The following NOC3L variants were observed in gnomAD, a reference collection of about 807,000 sequenced individuals.
The protein encoded by NOC3L is NOC3 like DNA replication regulator.
Under a neutral mutation model 102.5 loss-of-function variants are expected in NOC3L, and 85 were observed. That is an observed-to-expected ratio of 0.83 (90% CI 0.70 to 0.99). The LOEUF (loss-of-function observed/expected upper bound fraction) is 0.99, where lower values mean the gene tolerates loss of function less well. Ranked by LOEUF, NOC3L falls within the 50% of genes least tolerant of loss-of-function variation. The pLI is 0.00. For synonymous variants in NOC3L, 303 were observed against 309.4 expected (o/e 0.98, Z 0.22); for missense variants, 878 against 914.9 (o/e 0.96, Z 0.52).
the NOC3L span, chr10:94,327,959 A>T: frequency 1.9e-6 from 1 of 532,580 alleles, no homozygotes; most frequent in Admixed American, 1.9e-5. Flanking sequence ...TCTGTATACA[A>T]CATTACAGGT....
chr10:94,359,252 C>T (rs1398411636), intron 2 of NOC3L, among the ~76,000 whole-genome samples: 2 of 152,112 alleles, frequency 1.3e-5, no homozygotes, highest in Non-Finnish European at 2.9e-5. Flanking sequence ...TGGTGAAACC[C>T]CATCTCTACG....
At chr10:94,328,527 AC>A (rs888453803), downstream of NOC3L, 3 of 152,282 alleles carry the variant, frequency 2.0e-5, no homozygotes, top group African/African-American at 7.2e-5. Context: ...TGGCCCAAGG[AC>A]CTTAATTTGC....
the NOC3L span, chr10:94,315,182 T>G: frequency 0.27 from 86,296 of 322,926 alleles, 11,819 homozygotes; most frequent in Middle Eastern, 0.4. Context: ...CATTTCATCA[T>G]TTATAGACCA....
chr10:94,339,072 T>C (rs1028875062), intron 17 of NOC3L, among the ~76,000 whole-genome samples: 1 of 152,102 alleles, frequency 6.6e-6, no homozygotes, highest in Non-Finnish European at 1.5e-5. Flanking sequence ...TCATTTGTAA[T>C]AGCAAAAAAA....
chr10:94,324,996 C>T, the NOC3L span: 2 of 1,614,220 alleles, frequency 1.2e-6, no homozygotes, highest in Non-Finnish European at 1.7e-6. Context: ...CTTCTCAGCT[C>T]TTGACCTCAG....
intron 13 of NOC3L, 24 bp from the exon 14 acceptor site, chr10:94,341,769 TC>T: frequency 7.3e-7 from 1 of 1,375,928 alleles, no homozygotes; most frequent in Non-Finnish European, 9.9e-7. Context: ...AAACAGTTAA[TC>T]AGTGAACTAA....
the NOC3L span, among the ~76,000 whole-genome samples, chr10:94,326,903 G>A: frequency 1.3e-5 from 2 of 152,164 alleles, no homozygotes; most frequent in Non-Finnish European, 2.9e-5. Flanking sequence ...GCTCACGCCT[G>A]TAATCCCAGC....
At position 94,340,271 on chromosome 10, in the gene NOC3L, C is replaced by T. The variant is rs2054266813; in HGVS notation, c.1780+5G>A. The stretch of plus-strand genomic sequence containing the variant: ...ATAAAAGAAACATTATCTAAACATA[C>T]ATACCTGCATGTAATTTGAACAGTG... On this transcript the variant is annotated splice_donor_5th_base_variant and intron_variant, in intron 16 of 20. Transcript: ENST00000371361. 6.3e-7 allele frequency: 1 copy of T among 1,599,894 alleles called. No homozygotes were observed. Among genetic ancestry groups the T allele is most frequent in the South Asian group, 1.1e-5 (1 of 90,312 alleles).
the NOC3L span, chr10:94,324,987 T>G: frequency 6.2e-7 from 1 of 1,614,176 alleles, no homozygotes; most frequent in Non-Finnish European, 8.5e-7. Context: ...TTACATCACC[T>G]TCTCAGCTCT....
the NOC3L span, among the ~76,000 whole-genome samples, chr10:94,317,402 G>A: frequency 6.6e-6 from 1 of 152,164 alleles, no homozygotes; most frequent in African/African-American, 2.4e-5. Flanking sequence ...TTGTATGTGT[G>A]AAAAGACATC....
At chr10:94,322,151 A>G in the NOC3L span, 1 of 1,223,038 alleles carries the variant, frequency 8.2e-7, no homozygotes, top group African/African-American at 1.5e-5. Flanking sequence ...TTTATGAGTG[A>G]AGTTCCTCAA....
intron 3 of NOC3L, chr10:94,357,768 C>A: frequency 3.4e-6 from 1 of 297,448 alleles, no homozygotes. Context: ...GACCTACCAG[C>A]AGGGTAATGA....
rs200230254 is a variant in NOC3L, at chr10:94,356,608, T to G, written c.509-17A>C. 5.5e-6 allele frequency: 8 copies of G among 1,452,904 alleles called. No homozygotes were observed. In the Admixed American group the frequency reaches 1.3e-4, roughly 25 times the overall value. The allele number at this position is 1,452,904 out of a possible 1,614,324, so 90.0% of individuals were successfully genotyped here. ...TATCAGTAACTATATGGAAAACATA[T>G]GTATTAAAACTGTGATATATACTTA... On this transcript the variant is annotated splice_polypyrimidine_tract_variant and intron_variant, in intron 4 of 20. Coordinates refer to ENST00000371361, the MANE Select transcript of NOC3L (RefSeq NM_022451.11).
Position 94,346,407 on chromosome 10 carries a change from A to C in NOC3L, c.1389+18T>G. On this transcript the variant is annotated intron_variant, in intron 11 of 20. Transcript: ENST00000371361. ...AAACAGAAAATTTAAATGAAACAAA[A>C]GGGGAAATAAGTCAAACCTTTCTCT... is the stretch of plus-strand genomic sequence containing the variant. 6.9e-7 allele frequency: 1 copy of C among 1,450,592 alleles called. No homozygotes were observed. The highest frequency in any genetic ancestry group is 9.2e-7 in the Non-Finnish European group (1 of 1,091,738). 89.9% of individuals were successfully genotyped at this position (1,450,592 alleles called of 1,614,324 possible).
intron 20 of NOC3L, 66 bp from the exon 21 acceptor site, chr10:94,334,371 C>A: frequency 1.9e-6 from 2 of 1,050,972 alleles, no homozygotes; most frequent in Non-Finnish European, 1.4e-6. Context: ...AACCTGTGAA[C>A]CAAGTTGAAA....
Position 94,346,435 on chromosome 10 carries a change from A to G in NOC3L, c.1379T>C (p.Met460Thr). 2 of 1,500,578 alleles carry G rather than the reference A, an allele frequency of 1.3e-6. No individual in the cohort carries two copies. Among genetic ancestry groups the G allele is most frequent in the Non-Finnish European group, 1.8e-6 (2 of 1,123,934 alleles). The allele number at this position is 1,500,578 out of a possible 1,614,324, so 93.0% of individuals were successfully genotyped here. ...FKEKRKSLSR[M>T]QRKWKKAEEK... Reference sequence around the variant, plus strand: ...GGAAATAAGTCAAACCTTTCTCTGCATTCTTGATAGAGATTTTCTCTTTTC... The same window carrying G: ...GGAAATAAGTCAAACCTTTCTCTGCGTTCTTGATAGAGATTTTCTCTTTTC... Residue 460 changes from methionine to threonine, a missense_variant, in exon 11 of 21, where the codon ATG becomes ACG. Coordinates refer to ENST00000371361, the MANE Select transcript of NOC3L (RefSeq NM_022451.11).
At chr10:94,357,133 G>C (rs1472098146) in intron 4 of NOC3L, 41 bp downstream of exon 4, 5 of 1,374,218 alleles carry the variant, frequency 3.6e-6, no homozygotes, top group Middle Eastern at 1.9e-4. Context: ...ATCAGTAAGG[G>C]GGTAAAAGTT....
Position 94,357,239 on chromosome 10 carries a change from T to G in NOC3L, c.443A>C (p.Glu148Ala), listed in dbSNP as rs1564918121. The G allele has an allele frequency of 1.2e-6, 2 of 1,609,534 alleles. No homozygotes were observed. The highest frequency in any genetic ancestry group is 2.2e-5 in the South Asian group (2 of 90,136). The change falls in exon 4 of 21, where the codon GAA becomes GCA. Residue 148 changes from glutamate to alanine, a missense_variant. Physicochemically the swap from Glu to Ala is moderately radical, Grantham distance 107. Coordinates refer to ENST00000371361, the MANE Select transcript of NOC3L (RefSeq NM_022451.11). ...PRTLQTAPEK[E>A]LIHLLPIKDK... Reference sequence around the variant, plus strand: ...TTTGATAGGAAGTAAATGAATCAGTTCCTTCTCTGGTGCAGTTTGCAGAGT... The same window carrying G: ...TTTGATAGGAAGTAAATGAATCAGTGCCTTCTCTGGTGCAGTTTGCAGAGT...
chr10:94,334,429 G>A, intron 20 of NOC3L, 124 bp from the exon 21 acceptor site: 1 of 679,306 alleles, frequency 1.5e-6, no homozygotes, highest in South Asian at 1.9e-5. Flanking sequence ...CAGATGCTTG[G>A]TAAGGTCTTG....
Sources: allele counts gnomAD v4.1 joint callset (sites outside exome capture counted in the v4.1 genomes callset), GRCh38; gene constraint gnomAD v4.1.1; transcripts MANE v1.5; gene names NCBI Gene and HGNC (gene_info 2026-07-23, HGNC 2026-07-21).